Variants in ALOX15B observed in about 807,000 individuals in gnomAD.
ALOX15B encodes polyunsaturated fatty acid lipoxygenase ALOX15B.
A neutral mutation model predicts 73.8 loss-of-function variants in ALOX15B; 74 were observed. That is an observed-to-expected ratio of 1.00 (90% CI 0.83 to 1.22). ALOX15B has a LOEUF of 1.22. Among genes scored for constraint, ALOX15B ranks in the 50% most tolerant of loss-of-function variants. The pLI is 0.00. For missense variants in ALOX15B, 896 were observed against 859.9 expected (o/e 1.04, Z -0.52); for synonymous variants, 353 against 357.2 (o/e 0.99, Z 0.13).
At chr17:8,046,602 TG>T in intron 8 of ALOX15B, 65 bp from the exon 9 acceptor site, 1 of 1,512,180 alleles carries the variant, frequency 6.6e-7, no homozygotes. Context: ...GGTGCCTGTG[TG>T]GGGGAAGGTC....
Position 8,042,881 on chromosome 17 carries a change from G to T in ALOX15B, c.673G>T (p.Ala225Ser). ...CTTCAACTTCCGGAGGACCCCAGCA[G>T]CTGGTGAGGAGCTTGGGCCAGGGAT... ...RIFNFRRTPA[A>S]EHAFEHWQED... The change falls in exon 5 of 14, where the codon GCT becomes TCT. Residue 225 changes from alanine (A) to serine (S), a missense_variant. Coordinates refer to ENST00000380183, the MANE Select transcript of ALOX15B (RefSeq NM_001141.3). The T allele has an allele frequency of 6.4e-7, 1 of 1,551,812 alleles. No homozygotes were observed. Among genetic ancestry groups the T allele is most frequent in the Non-Finnish European group, 8.7e-7 (1 of 1,147,098 alleles).
chr17:8,044,795 G>A (rs749236150), intron 5 of ALOX15B, 34 bp from the exon 6 acceptor site: 4 of 1,392,576 alleles, frequency 2.9e-6, no homozygotes, highest in African/African-American at 2.9e-5. Flanking sequence ...ACGCATTTGA[G>A]TGACCCCGTT....
chr17:8,047,880 G>A lies in ALOX15B; in HGVS notation c.1816G>A (p.Ala606Thr). 6.2e-7 allele frequency: 1 copy of A among 1,614,154 alleles called. No homozygotes were observed. Among genetic ancestry groups the A allele is most frequent in the Non-Finnish European group, 8.5e-7 (1 of 1,180,000 alleles). ...CAATGCCACATGTGATGTCATCCTT[G>A]CTCTCTGGTTGCTGAGCAAGGAGCC... ...PVNATCDVIL[A>T]LWLLSKEPGD... Residue 606 changes from alanine (A) to threonine (T), a missense_variant, in exon 13 of 14, where the codon GCT becomes ACT. Coordinates refer to ENST00000380183, the MANE Select transcript of ALOX15B (RefSeq NM_001141.3).
chr17:8,044,765 T>A, intron 5 of ALOX15B, 64 bp from the exon 6 acceptor site: 1 of 803,180 alleles, frequency 1.2e-6, no homozygotes, highest in Non-Finnish European at 1.9e-6. Context: ...CGTCCCCGTG[T>A]CCCCCACCCC....
rs1555638441 is a variant in ALOX15B at position 8,040,601 on chromosome 17, G to GAGAGAGAGAGAAAGAA, written c.449+621_449+622insGAGAGAGAAAGAAAGA. Among the ~76,000 whole-genome samples, 47 of 109,526 alleles carry GAGAGAGAGAGAAAGAA rather than the reference G, an allele frequency of 4.3e-4. No individual in the cohort carries two copies. The South Asian group carries it at 0.013, about 30-fold the overall frequency. The allele number at this position is 109,526 out of a possible 152,430, so 71.9% of individuals were successfully genotyped here. A position where few individuals can be genotyped will look rare whatever the true frequency, so the allele number is the denominator to read the frequency against. On this transcript the variant is annotated intron_variant, in intron 3 of 13. Transcript: ENST00000380183. ...GGAAGGAAAGAGAGAAAGAAAGAGA[G>GAGAGAGAGAGAAAGAA]AGAAAGAAAGAAAGAAAGAAAGAAA...
chr17:8,042,332 G>A (rs767483955), intron 3 of ALOX15B, 37 bp from the exon 4 acceptor site: 1 of 1,609,938 alleles, frequency 6.2e-7, no homozygotes, highest in Non-Finnish European at 8.5e-7. Context: ...GTCTCCCTGA[G>A]GCCTCTTGCT....
intron 2 of ALOX15B, 124 bp downstream of exon 2, chr17:8,039,729 G>A: frequency 8.1e-7 from 1 of 1,229,998 alleles, no homozygotes; most frequent in Non-Finnish European, 1.1e-6. Context: ...AGCGGGCAGA[G>A]GAGAGGGAAT....
Position 8,039,995 on chromosome 17 carries a change from G to T in ALOX15B, c.449+12G>T, listed in dbSNP as rs200433104. 10 of 1,612,210 alleles carry T rather than the reference G, an allele frequency of 6.2e-6. No individual in the cohort carries two copies. In the African/African-American group the frequency reaches 1.2e-4, roughly 19 times the overall value. ...CAGGAGATGTACCAGTGAGGAGGGG[G>T]TTACTGATGGGGGAGGGTGTGCCCA... On this transcript the variant is annotated intron_variant, in intron 3 of 13. Coordinates refer to ENST00000380183, the MANE Select transcript of ALOX15B (RefSeq NM_001141.3).
Position 8,042,452 on chromosome 17 carries a change from C to T in ALOX15B, c.533C>T (p.Thr178Ile), listed in dbSNP as rs1976488032. Residue 178 changes from threonine to isoleucine, a missense_variant, in exon 4 of 14, where the codon ACA becomes ATA. Thr to Ile is a moderately conservative substitution (Grantham distance 89). Transcript: ENST00000380183. The stretch of plus-strand genomic sequence containing the variant: ...TTGGAGCTCAATATCAAATACTCCA[C>T]AGCCAAGAATGCCAACTTTTATCTA... ...EDLELNIKYSTAKNANFYLQA... is the reference protein window; with the variant it reads ...EDLELNIKYSIAKNANFYLQA... 1 of 1,613,952 alleles carries T rather than the reference C, an allele frequency of 6.2e-7. No individual in the cohort carries two copies. Among genetic ancestry groups the T allele is most frequent in the Admixed American group, 1.7e-5 (1 of 60,014 alleles).
At position 8,039,371 on chromosome 17, in the gene ALOX15B, T is replaced by G. The variant is rs772714560; in HGVS notation, c.148-15T>G. 1 of 1,609,714 alleles carries G rather than the reference T, an allele frequency of 6.2e-7. No homozygotes were observed. The highest frequency in any genetic ancestry group is 1.1e-5 in the South Asian group (1 of 90,642). On this transcript the variant is annotated splice_polypyrimidine_tract_variant and intron_variant, in intron 1 of 13. Transcript: ENST00000380183. Reference sequence around the variant, plus strand: ...CAGGAGGGTCCGGCCTGACGCATACTTAACCTCCCCTCAGGAGGAGGACTT... The same window carrying G: ...CAGGAGGGTCCGGCCTGACGCATACGTAACCTCCCCTCAGGAGGAGGACTT...
At chr17:8,044,289 G>T (rs1164212093) in intron 5 of ALOX15B, among the ~76,000 whole-genome samples, 6 of 152,180 alleles carry the variant, frequency 3.9e-5, no homozygotes, top group African/African-American at 1.4e-4. Context: ...AGGCATGCTG[G>T]TGTGTGCCTG....
Position 8,048,387 on chromosome 17 carries a change from G to C in ALOX15B, c.1853G>C (p.Arg618Thr), listed in dbSNP as rs1400801719. 3.7e-6 allele frequency: 6 copies of C among 1,610,200 alleles called. No homozygotes were observed. Among genetic ancestry groups the C allele is most frequent in the South Asian group, 2.2e-5 (2 of 90,828 alleles). Residue 618 changes from arginine (R) to threonine (T), a missense_variant and splice_region_variant, in exon 14 of 14, where the codon AGG becomes ACG. Arg to Thr is a moderately conservative substitution (Grantham distance 71, BLOSUM62 -1). Coordinates refer to ENST00000380183, the MANE Select transcript of ALOX15B (RefSeq NM_001141.3). ...CCCAACCTTGTGGTGGATCCTCAGA[G>C]GCCCCTGGGCACCTATCCGGATGAG... ...WLLSKEPGDQ[R>T]PLGTYPDEHF...
At position 8,047,646 on chromosome 17, in the gene ALOX15B, G is replaced by A. The variant is rs143590821; in HGVS notation, c.1662G>A (p.Ala554=). ...MVIFTCSAKH[A]AVSAGQFDSC... ...TATTCACCTGCTCCGCCAAGCATGC[G>A]GCTGTCAGTGCAGGGCAGGTGAGGA... is the stretch of plus-strand genomic sequence containing the variant. Residue 554 remains alanine, a synonymous_variant, in exon 12 of 14, where the codon GCG becomes GCA. Transcript: ENST00000380183. The A allele has an allele frequency of 2.8e-4, 456 of 1,611,750 alleles. No homozygotes were observed. Among genetic ancestry groups the A allele is most frequent in the Non-Finnish European group, 3.6e-4 (428 of 1,178,964 alleles).
In ALOX15B at chr17:8,039,209, A is replaced by G. The variant is rs374598646; in HGVS notation, c.54A>G (p.Thr18=). The G allele has an allele frequency of 3.0e-5, 49 of 1,612,418 alleles. 2 individuals are homozygous for G. The highest frequency in any genetic ancestry group is 1.1e-4 in the East Asian group (5 of 44,884). The change falls in exon 1 of 14, where the codon ACA becomes ACG. Residue 18 remains threonine, a synonymous_variant. Transcript: ENST00000380183. ...CCGGAGAAGCCTTCGGGGCTGGCAC[A>G]TGGGACAAAGTGTCTGTCAGCATCG... ...VSTGEAFGAG[T]WDKVSVSIVG... is the part of the protein sequence containing the mutation.
chr17:8,044,890 C>A lies in ALOX15B; in HGVS notation c.738C>A (p.Leu246=). Residue 246 remains leucine (L), a synonymous_variant, in exon 6 of 14, where the codon CTC becomes CTA. Coordinates refer to ENST00000380183, the MANE Select transcript of ALOX15B (RefSeq NM_001141.3). ...TCGCCTCCCAGTTCCTGAATGGTCT[C>A]AACCCTGTCCTGATCCGCCGCTGTC... The part of the protein sequence containing the change: ...AFFASQFLNG[L]NPVLIRRCHY... The A allele has an allele frequency of 6.8e-6, 11 of 1,614,040 alleles. No individual in the cohort carries two copies. Among genetic ancestry groups the A allele is most frequent in the Non-Finnish European group, 9.3e-6 (11 of 1,179,992 alleles).
chr17:8,047,111 C>G, intron 10 of ALOX15B, 35 bp downstream of exon 10: 1 of 1,611,682 alleles, frequency 6.2e-7, no homozygotes, highest in Non-Finnish European at 8.5e-7. Flanking sequence ...GAGGGCTGGT[C>G]GGGGACGTGG....
intron 8 of ALOX15B, 98 bp downstream of exon 8, chr17:8,045,784 G>A: frequency 7.4e-7 from 1 of 1,346,164 alleles, no homozygotes; most frequent in Non-Finnish European, 1.0e-6. Flanking sequence ...AAGCTGGGAT[G>A]CAGAGCCCCC....
Position 8,042,659 on chromosome 17 carries a change from G to A in ALOX15B, c.573-122G>A, listed in dbSNP as rs966401790. The stretch of plus-strand genomic sequence containing the variant: ...ATCCCACAGAGCAACAGCTACCTTA[G>A]GGGTAGTGACTACCTTGGGCCCGGA... On this transcript the variant is annotated intron_variant, in intron 4 of 13. Coordinates refer to ENST00000380183, the MANE Select transcript of ALOX15B (RefSeq NM_001141.3). 11 of 1,326,346 alleles carry A rather than the reference G, an allele frequency of 8.3e-6. No homozygotes were observed. The African/African-American group carries it at 1.5e-4, about 18-fold the overall frequency. The allele number at this position is 1,326,346 out of a possible 1,614,324, so 82.2% of individuals were successfully genotyped here. A position where few individuals can be genotyped will look rare whatever the true frequency, so the allele number is the denominator to read the frequency against.
intron 5 of ALOX15B, among the ~76,000 whole-genome samples, chr17:8,043,694 T>G (rs943362315): frequency 1.3e-5 from 2 of 151,906 alleles, no homozygotes; most frequent in Non-Finnish European, 2.9e-5. Context: ...GGCAATGCAA[T>G]GGAGAGGATG....
Sources: gnomAD v4.1 joint callset for allele counts (sites outside exome capture counted in the v4.1 genomes callset) on GRCh38, gnomAD v4.1.1 for gene constraint, MANE v1.5 for transcripts, NCBI Gene and HGNC (gene_info 2026-07-23, HGNC 2026-07-21) for gene names.